CNTNAP3: variants seen among roughly 807,000 people sequenced by gnomAD.
CNTNAP3 encodes contactin-associated protein-like 3.
In CNTNAP3, 36 loss-of-function variants were observed where a neutral mutation model predicts 92.1. That is an observed-to-expected ratio of 0.39 (90% CI 0.30 to 0.52). The LOEUF (loss-of-function observed/expected upper bound fraction) is 0.52. CNTNAP3 is among the 20% of genes least tolerant of loss of function. The pLI, the probability that CNTNAP3 is intolerant of heterozygous loss-of-function variation, is 0.76. For synonymous variants in CNTNAP3, 232 were observed against 422.3 expected (o/e 0.55, Z 5.53); for missense variants, 534 against 1,069.6 (o/e 0.50, Z 6.98).
intron 13 of CNTNAP3, among the ~76,000 whole-genome samples, chr9:39,125,812 C>G (rs1821141603): frequency 6.6e-6 from 1 of 152,084 alleles, no homozygotes; most frequent in Non-Finnish European, 1.5e-5. Flanking sequence ...TACCTAGCAA[C>G]AGAAGAGTCA....
intron 15 of CNTNAP3, among the ~76,000 whole-genome samples, chr9:39,107,190 C>T (rs114833045): frequency 0.021 from 3,045 of 146,584 alleles, 97 homozygotes; most frequent in African/African-American, 0.073. Context: ...TTTCAAAAAG[C>T]GCTGAAACAG....
intron 15 of CNTNAP3, among the ~76,000 whole-genome samples, chr9:39,104,379 T>A (rs1317392583): frequency 6.6e-6 from 1 of 151,908 alleles, no homozygotes; most frequent in Non-Finnish European, 1.5e-5. Flanking sequence ...ATTTGAGATA[T>A]CTATTAGGCA....
intron 12 of CNTNAP3, among the ~76,000 whole-genome samples, chr9:39,134,894 G>C (rs1032440435): frequency 6.6e-6 from 1 of 152,202 alleles, no homozygotes; most frequent in Non-Finnish European, 1.5e-5. Context: ...TTCATGATTT[G>C]TTGTACAATG....
At chr9:39,111,747 G>C (rs1008202177) in intron 14 of CNTNAP3, among the ~76,000 whole-genome samples, 61 of 152,014 alleles carry the variant, frequency 4.0e-4, no homozygotes, top group Admixed American at 6.6e-4. Context: ...TTTCACGGGA[G>C]CTCCAAGTTT....
intron 9 of CNTNAP3, among the ~76,000 whole-genome samples, chr9:39,150,185 G>C (rs530751534): frequency 6.6e-6 from 1 of 152,042 alleles, no homozygotes; most frequent in Admixed American, 6.6e-5. Flanking sequence ...AAGAAATTAT[G>C]GGGGAAAATT....
chr9:39,117,031 C>T (rs931914002), intron 14 of CNTNAP3, among the ~76,000 whole-genome samples: 6 of 151,718 alleles, frequency 4.0e-5, no homozygotes, highest in East Asian at 1.9e-4. Flanking sequence ...CTTGCTCTGT[C>T]GCCCAGGCTG....
intron 13 of CNTNAP3, among the ~76,000 whole-genome samples, chr9:39,121,208 G>A (rs914619344): frequency 6.6e-6 from 1 of 151,510 alleles, no homozygotes; most frequent in African/African-American, 2.4e-5. Flanking sequence ...AAAAGTAAAA[G>A]GATGGAAAAA....
rs1456095789 is a variant in CNTNAP3 at position 39,123,653 on chromosome 9, T to A, written c.2081-5394A>T. ...AGACTTTCTTAAAATTAAAATAAAATCTTTTAAAAATAAAATCTCGAAATA... is the reference window on the plus strand; with the variant it reads ...AGACTTTCTTAAAATTAAAATAAAAACTTTTAAAAATAAAATCTCGAAATA... On this transcript the variant is annotated intron_variant, in intron 13 of 23. Coordinates refer to ENST00000297668, the MANE Select transcript of CNTNAP3 (RefSeq NM_033655.5). Among the ~76,000 whole-genome samples, 3 of 151,942 alleles carry A rather than the reference T, an allele frequency of 2.0e-5. No homozygotes were observed. The East Asian group carries it at 5.8e-4, about 29-fold the overall frequency.
At position 39,081,451 on chromosome 9, in the gene CNTNAP3, G is replaced by A. The variant is rs545562754; in HGVS notation, c.3443-2531C>T. Reference sequence around the variant, plus strand: ...CAGCCCCCTTCCAATTCTCTATTCTGTTCCATCAAAGCCTGCTCCCGAGTA... The same window carrying A: ...CAGCCCCCTTCCAATTCTCTATTCTATTCCATCAAAGCCTGCTCCCGAGTA... On this transcript the variant is annotated intron_variant, in intron 21 of 23. Transcript: ENST00000297668. 8.0e-5 allele frequency among the ~76,000 whole-genome samples: 12 copies of A among 150,704 alleles called. No homozygotes were observed. In the South Asian group the frequency reaches 2.3e-3, roughly 29 times the overall value.
chr9:39,146,429 C>T (rs1368483325), intron 10 of CNTNAP3, among the ~76,000 whole-genome samples: 2 of 152,176 alleles, frequency 1.3e-5, no homozygotes, highest in Non-Finnish European at 1.5e-5. Flanking sequence ...GTGGCTCACG[C>T]CTGTAATCCC....
At position 39,133,375 on chromosome 9, in the gene CNTNAP3, T is replaced by C. The variant is rs150527403; in HGVS notation, c.1877-240A>G. On this transcript the variant is annotated intron_variant, in intron 12 of 23. Transcript: ENST00000297668. ...TTTTGTGACGTCACGCCTAAAAGTGTATCATGTAAGCAATGACTTTTTAGT... is the reference window on the plus strand; with the variant it reads ...TTTTGTGACGTCACGCCTAAAAGTGCATCATGTAAGCAATGACTTTTTAGT... 2.5e-3 allele frequency among the ~76,000 whole-genome samples: 381 copies of C among 152,278 alleles called. 3 individuals carry two copies. The highest frequency in any genetic ancestry group is 8.7e-3 in the African/African-American group (360 of 41,540).
chr9:39,159,653 TAGATAGATAG>T (rs1822041257), intron 9 of CNTNAP3: 4 of 141,444 alleles, frequency 2.8e-5, no homozygotes, highest in Non-Finnish European at 6.1e-5. Context: ...GATAGATAGA[TAGATAGATAG>T]ATAGATAGAT....
intron 12 of CNTNAP3, 67 bp downstream of exon 12, chr9:39,140,452 T>G (rs1821548032): frequency 6.3e-7 from 1 of 1,584,246 alleles, no homozygotes; most frequent in Non-Finnish European, 8.6e-7. Context: ...GTTTTAATAA[T>G]GCTGCCAACT....
chr9:39,117,312 G>A (rs543487571), intron 14 of CNTNAP3, among the ~76,000 whole-genome samples: 4 of 151,796 alleles, frequency 2.6e-5, no homozygotes, highest in Admixed American at 2.0e-4. Flanking sequence ...TTTAAAGCAC[G>A]TACTCTACAT....
At chr9:39,134,252 C>A (rs536542588) in intron 12 of CNTNAP3, among the ~76,000 whole-genome samples, 36 of 152,116 alleles carry the variant, frequency 2.4e-4, no homozygotes, top group Non-Finnish European at 4.1e-4. Flanking sequence ...CACAAATGAG[C>A]CACAAGTACA....
chr9:39,093,407 T>C (rs945059168), intron 18 of CNTNAP3, among the ~76,000 whole-genome samples: 1 of 142,582 alleles, frequency 7.0e-6, no homozygotes, highest in African/African-American at 2.6e-5. Flanking sequence ...CACTTAACCA[T>C]TTAAAATATG....
chr9:39,092,854 A>C (rs1226689635), intron 18 of CNTNAP3, among the ~76,000 whole-genome samples: 1 of 141,104 alleles, frequency 7.1e-6, no homozygotes, highest in Admixed American at 6.9e-5. Context: ...TTCTCTTTTC[A>C]GTTCTGTCAG....
intron 18 of CNTNAP3, among the ~76,000 whole-genome samples, chr9:39,089,645 T>G (rs1049615156): frequency 5.3e-5 from 8 of 152,202 alleles, no homozygotes; most frequent in Non-Finnish European, 1.2e-4. Context: ...TGCCATATTT[T>G]TTCCAAAATA....
Position 39,107,241 on chromosome 9 carries a change from GAAAGAAAGAAAGAA to G in CNTNAP3, c.2365+1905_2365+1918del, listed in dbSNP as rs1289080725. On this transcript the variant is annotated intron_variant, in intron 15 of 23. Transcript: ENST00000297668. Reference sequence around the variant, plus strand: ...AAAGAAAAAGAAAAAAAGAAGACAGGAAAGAAAGAAAGAAAAAGAAAGAAAGAAAAGAAAGAGAG... The same window carrying G: ...AAAGAAAAAGAAAAAAAGAAGACAGGAAAGAAAGAAAGAAAAGAAAGAGAG... Among the ~76,000 whole-genome samples the G allele has an allele frequency of 1.4e-4, 20 of 147,076 alleles. No homozygotes were observed. The Middle Eastern group carries it at 0.01, about 77-fold the overall frequency.
Sources: gnomAD v4.1 joint callset for allele counts (sites outside exome capture counted in the v4.1 genomes callset) on GRCh38, gnomAD v4.1.1 for gene constraint, MANE v1.5 for transcripts, NCBI Gene and HGNC (gene_info 2026-07-23, HGNC 2026-07-21) for gene names.